Variants in CSMD1 observed in about 807,000 individuals in gnomAD.
The protein encoded by CSMD1 is CUB and sushi domain-containing protein 1.
A neutral mutation model predicts 417.5 loss-of-function variants in CSMD1; 213 were observed. That is an observed-to-expected ratio of 0.51 (90% CI 0.46 to 0.57). The LOEUF (loss-of-function observed/expected upper bound fraction) is 0.57, where lower values mean the gene tolerates loss of function less well. Among genes scored for constraint, CSMD1 ranks in the 20% least tolerant of loss-of-function variants. The pLI is 0.00. For missense variants in CSMD1, 6,923 were observed against 4,529.7 expected (o/e 1.53, Z -15.17); for synonymous variants, 2,862 against 1,736.8 (o/e 1.65, Z -16.11).
intron 39 of CSMD1, among the ~76,000 whole-genome samples, chr8:3,154,886 C>T (rs573049695): frequency 5.3e-5 from 8 of 152,272 alleles, no homozygotes; most frequent in East Asian, 1.9e-4. Flanking sequence ...GACTTCTCCT[C>T]TTACAATTCC....
intron 26 of CSMD1, among the ~76,000 whole-genome samples, chr8:3,236,592 C>T (rs62504966): frequency 0.019 from 2,960 of 152,302 alleles, 40 homozygotes; most frequent in Non-Finnish European, 0.028. Flanking sequence ...TACAAACCCC[C>T]ACCCAGGGGC....
At chr8:4,011,151 C>T (rs898827215) in intron 4 of CSMD1, among the ~76,000 whole-genome samples, 6 of 152,276 alleles carry the variant, frequency 3.9e-5, no homozygotes, top group Middle Eastern at 3.4e-3. Context: ...ATTTTGATGC[C>T]TACTTATAAA....
At chr8:3,084,055 C>A (rs954223823) in intron 49 of CSMD1, among the ~76,000 whole-genome samples, 12 of 152,098 alleles carry the variant, frequency 7.9e-5, no homozygotes, top group African/African-American at 2.7e-4. Flanking sequence ...TGGGTCAGTA[C>A]ACACAACTGC....
intron 54 of CSMD1, among the ~76,000 whole-genome samples, chr8:2,995,602 G>A (rs1219852661): frequency 6.6e-6 from 1 of 152,134 alleles, no homozygotes; most frequent in African/African-American, 2.4e-5. Context: ...GTTCATAACA[G>A]CTCGTAGCAG....
intron 1 of CSMD1, among the ~76,000 whole-genome samples, chr8:4,797,922 A>G (rs1022284374): frequency 2.0e-5 from 3 of 152,246 alleles, no homozygotes; most frequent in African/African-American, 7.2e-5. Flanking sequence ...GGCATGACAG[A>G]TCTCCATAAA....
intron 2 of CSMD1, among the ~76,000 whole-genome samples, chr8:4,569,362 G>A (rs1585263478): frequency 6.6e-6 from 1 of 152,096 alleles, no homozygotes; most frequent in Non-Finnish European, 1.5e-5. Context: ...TTCTGCATAT[G>A]GCTAGTCAGC....
In CSMD1 at chr8:4,784,650, A is replaced by G. The variant is rs539084462; in HGVS notation, c.86-147092T>C. On this transcript the variant is annotated intron_variant, in intron 1 of 69. Transcript: ENST00000635120. ...TTTAAATATCCATTATGCCTCCATT[A>G]AAAGAAGGGCAAATATTTTTGAAAA... Among the ~76,000 whole-genome samples, 749 of 152,328 alleles carry G rather than the reference A, an allele frequency of 4.9e-3. 2 individuals are homozygous for G. The highest frequency in any genetic ancestry group is 0.017 in the African/African-American group (694 of 41,566).
At chr8:3,465,141 G>T (rs150339210) in intron 12 of CSMD1, among the ~76,000 whole-genome samples, 21 of 152,154 alleles carry the variant, frequency 1.4e-4, no homozygotes, top group African/African-American at 4.3e-4. Context: ...TTGCTGCTGG[G>T]GCCTCACCAG....
At chr8:4,042,815 T>TTAAAAAAA (rs1487345501) in intron 3 of CSMD1, among the ~76,000 whole-genome samples, 51 of 41,310 alleles carry the variant, frequency 1.2e-3, no homozygotes, top group South Asian at 3.3e-3. Context: ...TACAACATAT[T>TTAAAAAAA]AAAAAAAAAA....
rs1352736047 is a variant in CSMD1, at chr8:4,687,832, T to TAC, written c.86-50276_86-50275dup. 4.4e-4 allele frequency among the ~76,000 whole-genome samples: 43 copies of TAC among 98,766 alleles called. 1 individual carries two copies. Among genetic ancestry groups the TAC allele is most frequent in the Admixed American group, 4.2e-3 (33 of 7,814 alleles). 64.8% of individuals were successfully genotyped at this position (98,766 alleles called of 152,430 possible). On this transcript the variant is annotated intron_variant, in intron 1 of 69. Transcript: ENST00000635120. Reference sequence around the variant, plus strand: ...ACAGATACACACAAACACACATACATACATACACACACACACACACACACA... The same window carrying TAC: ...ACAGATACACACAAACACACATACATACACATACACACACACACACACACACA...
intron 2 of CSMD1, among the ~76,000 whole-genome samples, chr8:4,589,016 T>G (rs1427819373): frequency 6.6e-6 from 1 of 152,148 alleles, no homozygotes; most frequent in Admixed American, 6.5e-5. Context: ...ATGTATACAT[T>G]ATACAACGTG....
At chr8:4,634,334 TTC>T (rs944430939) in intron 2 of CSMD1, among the ~76,000 whole-genome samples, 2 of 152,206 alleles carry the variant, frequency 1.3e-5, no homozygotes, top group African/African-American at 4.8e-5. Context: ...AAAGTATATA[TTC>T]TGTTTTGTCA....
chr8:4,226,724 G>C (rs901458506), intron 3 of CSMD1, among the ~76,000 whole-genome samples: 3 of 151,960 alleles, frequency 2.0e-5, no homozygotes, highest in Admixed American at 6.6e-5. Context: ...AAAAAAATGA[G>C]TTTTTAATAA....
chr8:4,927,576 C>G (rs1013551452), intron 1 of CSMD1, among the ~76,000 whole-genome samples: 1 of 152,032 alleles, frequency 6.6e-6, no homozygotes, highest in Non-Finnish European at 1.5e-5. Context: ...TTATGCCTTA[C>G]TAAATAGTTC....
chr8:4,556,922 G>A (rs1563284008), intron 2 of CSMD1, among the ~76,000 whole-genome samples: 1 of 152,112 alleles, frequency 6.6e-6, no homozygotes, highest in Non-Finnish European at 1.5e-5. Flanking sequence ...TCTTGCCCCA[G>A]CATTTCAGAT....
intron 1 of CSMD1, among the ~76,000 whole-genome samples, chr8:4,647,358 C>A (rs996865532): frequency 2.7e-5 from 4 of 147,872 alleles, no homozygotes; most frequent in African/African-American, 1.0e-4. Context: ...GCGTGTGCCA[C>A]GGCGGCCTGC....
rs1800114991 is a variant in CSMD1, at chr8:3,796,272, T to TATATCATGTATAGATATAG, written c.819-42231_819-42230insCTATATCTATACATGATAT. Among the ~76,000 whole-genome samples the TATATCATGTATAGATATAG allele has an allele frequency of 9.4e-5, 3 of 31,882 alleles. 1 individual carries two copies. Among genetic ancestry groups the TATATCATGTATAGATATAG allele is most frequent in the African/African-American group, 3.3e-4 (2 of 6,148 alleles). 20.9% of individuals were successfully genotyped at this position (31,882 alleles called of 152,430 possible). On this transcript the variant is annotated intron_variant, in intron 5 of 69. Transcript: ENST00000635120. ...TATCTATCATGTATAGATATAGATATATATCTATCATGTATAGATATATCT... is the reference window on the plus strand; with the variant it reads ...TATCTATCATGTATAGATATAGATATATATCATGTATAGATATAGATATCTATCATGTATAGATATATCT...
intron 51 of CSMD1, among the ~76,000 whole-genome samples, chr8:3,025,488 A>G (rs757870415): frequency 3.3e-5 from 5 of 152,074 alleles, no homozygotes; most frequent in Non-Finnish European, 5.9e-5. Context: ...GTTATTCTGA[A>G]ACTGTGTATT....
intron 3 of CSMD1, among the ~76,000 whole-genome samples, chr8:4,300,746 G>A (rs1031332401): frequency 6.6e-6 from 1 of 152,054 alleles, no homozygotes; most frequent in South Asian, 2.1e-4. Flanking sequence ...CACGTGTTCT[G>A]GTTGTTCAAT....
Sources: allele counts gnomAD v4.1 joint callset (sites outside exome capture counted in the v4.1 genomes callset), GRCh38; gene constraint gnomAD v4.1.1; transcripts MANE v1.5; gene names NCBI Gene and HGNC (gene_info 2026-07-23, HGNC 2026-07-21).